The following FAM83A variants were observed in gnomAD, a reference collection of about 807,000 sequenced individuals.
The protein encoded by FAM83A is scaffolding CK1 anchoring protein A, also known as protein FAM83A.
A neutral mutation model predicts 24.4 loss-of-function variants in FAM83A; 21 were observed. That is an observed-to-expected ratio of 0.86 (90% CI 0.61 to 1.24). FAM83A has a LOEUF of 1.24. Ranked by LOEUF, FAM83A falls within the 50% of genes most tolerant of loss-of-function variation. FAM83A has a pLI of 0.00. For missense variants in FAM83A, 617 were observed against 579.8 expected (o/e 1.06, Z -0.66); for synonymous variants, 270 against 252.4 (o/e 1.07, Z -0.66).
intron 3 of FAM83A, among the ~76,000 whole-genome samples, chr8:123,194,431 G>A (rs995280628): frequency 3.2e-4 from 48 of 151,848 alleles, no homozygotes; most frequent in African/African-American, 1.1e-3. Context: ...GGATATCTTA[G>A]ACGTGATTAT....
chr8:123,207,325 G>C, exon 4 of FAM83A: 1 of 1,611,002 alleles, frequency 6.2e-7, no homozygotes, highest in South Asian at 1.1e-5. Flanking sequence ...GAGCAGCCCC[G>C]GCCAATGGCC....
In FAM83A at chr8:123,194,167, T is replaced by C. The variant is rs780381563; in HGVS notation, c.773+19T>C. Reference sequence around the variant, plus strand: ...CTTACAGGTGAGCCTTGGATTCATCTCCTGTCAAGGATTCATGGAGAACAA... The same window carrying C: ...CTTACAGGTGAGCCTTGGATTCATCCCCTGTCAAGGATTCATGGAGAACAA... On this transcript the variant is annotated intron_variant, in intron 3 of 3. Coordinates refer to ENST00000690554, the Ensembl canonical transcript of FAM83A. 2.5e-6 allele frequency: 4 copies of C among 1,613,310 alleles called. No individual in the cohort carries two copies. Among genetic ancestry groups the C allele is most frequent in the Non-Finnish European group, 3.4e-6 (4 of 1,179,818 alleles).
At chr8:123,196,510 T>C (rs1021519315) in intron 3 of FAM83A, among the ~76,000 whole-genome samples, 1 of 152,238 alleles carries the variant, frequency 6.6e-6, no homozygotes, top group Non-Finnish European at 1.5e-5. Flanking sequence ...CTCCTTTTTT[T>C]CTCTGCTTGC....
upstream of FAM83A, chr8:123,179,688 C>G (rs958798129): frequency 2.6e-5 from 4 of 152,122 alleles, no homozygotes; most frequent in African/African-American, 9.7e-5. Flanking sequence ...GTGTGAAGAC[C>G]AAGAGCTGGG....
intron 3 of FAM83A, among the ~76,000 whole-genome samples, chr8:123,195,392 G>A (rs1324977091): frequency 6.6e-6 from 1 of 152,182 alleles, no homozygotes; most frequent in East Asian, 1.9e-4. Context: ...AGCATAAAGG[G>A]AAAGAGAGAA....
upstream of FAM83A, chr8:123,182,269 C>T (rs1823615868): frequency 1.6e-5 from 6 of 384,090 alleles, no homozygotes; most frequent in South Asian, 7.4e-5. Flanking sequence ...GCCTGGTCAA[C>T]AGCTCTCCCT....
At chr8:123,185,992 T>C (rs1211356051) in intron 1 of FAM83A, among the ~76,000 whole-genome samples, 1 of 152,090 alleles carries the variant, frequency 6.6e-6, no homozygotes, top group African/African-American at 2.4e-5. Flanking sequence ...GGTTTCACCA[T>C]GTTGGCCAGG....
chr8:123,193,915 G>A (rs1824058014), intron 2 of FAM83A, 109 bp from the exon 3 acceptor site: 3 of 1,387,398 alleles, frequency 2.2e-6, no homozygotes, highest in Middle Eastern at 2.3e-4. Flanking sequence ...CTGGGGATTA[G>A]GTTTCAACAC....
exon 4 of FAM83A, chr8:123,207,561 C>A: frequency 6.5e-7 from 1 of 1,544,936 alleles, no homozygotes; most frequent in Non-Finnish European, 8.7e-7. Context: ...CACGACGGCC[C>A]GCCCGCCGCT....
intron 3 of FAM83A, among the ~76,000 whole-genome samples, chr8:123,200,540 G>A (rs540331210): frequency 3.5e-4 from 54 of 152,336 alleles, no homozygotes; most frequent in African/African-American, 1.2e-3. Flanking sequence ...ATAAGGGCCA[G>A]GTGTGGCGGC....
intron 3 of FAM83A, among the ~76,000 whole-genome samples, chr8:123,200,313 A>C (rs1194088473): frequency 6.6e-6 from 1 of 152,202 alleles, no homozygotes; most frequent in Non-Finnish European, 1.5e-5. Flanking sequence ...TGTGATTTAC[A>C]TACAGCTAAA....
At chr8:123,200,671 A>G (rs1824318518) in intron 3 of FAM83A, among the ~76,000 whole-genome samples, 1 of 152,128 alleles carries the variant, frequency 6.6e-6, no homozygotes, top group Non-Finnish European at 1.5e-5. Context: ...ATAAAAAATC[A>G]GGAGGGGCGC....
chr8:123,187,340 C>A (rs556696346), intron 1 of FAM83A, among the ~76,000 whole-genome samples: 1 of 152,106 alleles, frequency 6.6e-6, no homozygotes, highest in Non-Finnish European at 1.5e-5. Context: ...CCTGCCCTTT[C>A]GAACCACTTA....
rs1246288895 is a variant in FAM83A, at chr8:123,191,803, G to A, written c.481G>A (p.Val161Ile). The stretch of plus-strand genomic sequence containing the variant: ...AACTGAGCACTCTGCCCTGGCCCAG[G>A]TCCTGGTCATCCTGATGGATGTGTT... Residue 161 changes from valine (V) to isoleucine (I), a missense_variant and splice_region_variant, in exon 2 of 4, where the codon GTC becomes ATC. By Grantham distance (29) the Val-to-Ile change is conservative (BLOSUM62 3). Coordinates refer to ENST00000690554, the Ensembl canonical transcript of FAM83A. 2.2e-5 allele frequency: 35 copies of A among 1,613,518 alleles called. No individual in the cohort carries two copies. Among genetic ancestry groups the A allele is most frequent in the Non-Finnish European group, 2.8e-5 (33 of 1,179,974 alleles).
intron 1 of FAM83A, among the ~76,000 whole-genome samples, chr8:123,190,465 A>G (rs150172330): frequency 1.3e-5 from 2 of 149,976 alleles, no homozygotes; most frequent in Admixed American, 6.6e-5. Flanking sequence ...AGCTTTCACC[A>G]TGTTGATCAG....
At chr8:123,196,121 C>T (rs949914126) in intron 3 of FAM83A, among the ~76,000 whole-genome samples, 6 of 152,246 alleles carry the variant, frequency 3.9e-5, no homozygotes, top group African/African-American at 1.4e-4. Context: ...AAGTGATTCT[C>T]CTGCCTCAGC....
intron 3 of FAM83A, among the ~76,000 whole-genome samples, chr8:123,199,508 G>GCAGAT (rs1307934982): frequency 6.6e-6 from 1 of 152,160 alleles, no homozygotes; most frequent in East Asian, 1.9e-4. Context: ...GCCAAGGTGG[G>GCAGAT]CAGATCACCT....
chr8:123,187,139 G>A (rs1022787346), intron 1 of FAM83A, among the ~76,000 whole-genome samples: 1 of 152,210 alleles, frequency 6.6e-6, no homozygotes, highest in African/African-American at 2.4e-5. Context: ...AGGGTCACAT[G>A]CGAAAGTCAG....
At chr8:123,184,748 G>A (rs1212722317) in intron 1 of FAM83A, among the ~76,000 whole-genome samples, 1 of 152,216 alleles carries the variant, frequency 6.6e-6, no homozygotes, top group Non-Finnish European at 1.5e-5. Flanking sequence ...GGGGAGAATG[G>A]ACCCCAAGGA....
Sources: gnomAD v4.1 joint callset for allele counts (sites outside exome capture counted in the v4.1 genomes callset) on GRCh38, gnomAD v4.1.1 for gene constraint, MANE v1.5 for transcripts, NCBI Gene and HGNC (gene_info 2026-07-23, HGNC 2026-07-21) for gene names.